Variants in CTNNA2 observed in about 807,000 individuals in gnomAD.
The protein encoded by CTNNA2 is catenin alpha-2.
A neutral mutation model predicts 101.0 loss-of-function variants in CTNNA2; 42 were observed. That is an observed-to-expected ratio of 0.42 (90% confidence interval 0.32 to 0.54). The LOEUF (loss-of-function observed/expected upper bound fraction) is 0.54. Among genes scored for constraint, CTNNA2 ranks in the 20% least tolerant of loss-of-function variants. The pLI is 0.14. For synonymous variants in CTNNA2, 450 were observed against 456.4 expected, an observed-to-expected ratio of 0.99 and a Z score of 0.18; for missense variants, 871 against 1,223.1, an observed-to-expected ratio of 0.71 and a Z score of 4.29.
At chr2:79,688,061 C>G (rs1446751275) in intron 2 of CTNNA2, among the ~76,000 whole-genome samples, 1 of 152,028 alleles carries the variant, frequency 6.6e-6, no homozygotes, top group Admixed American at 6.6e-5. Flanking sequence ...AAAATTTCAG[C>G]CAAAATTCAT....
chr2:80,178,136 C>T (rs1181405996), intron 7 of CTNNA2, among the ~76,000 whole-genome samples: 2 of 152,164 alleles, frequency 1.3e-5, no homozygotes, highest in Non-Finnish European at 2.9e-5. Context: ...GACAAGGTGG[C>T]AGGAGTGGGG....
chr2:79,319,453 C>CAGGCTAAAGCCACATTT (rs1676567630), intron 3 of CTNNA2, among the ~76,000 whole-genome samples: 1 of 152,004 alleles, frequency 6.6e-6, no homozygotes, highest in Non-Finnish European at 1.5e-5. Flanking sequence ...TTCTGAAGAC[C>CAGGCTAAAGCCACATTT]TTAGGACTCA....
At chr2:79,684,647 C>G (rs1006590095) in intron 2 of CTNNA2, among the ~76,000 whole-genome samples, 12 of 152,134 alleles carry the variant, frequency 7.9e-5, no homozygotes, top group African/African-American at 2.9e-4. Flanking sequence ...TATTTGAAAA[C>G]CAAACCCAAA....
intron 18 of CTNNA2, among the ~76,000 whole-genome samples, chr2:80,635,294 A>C (rs1672762313): frequency 1.3e-5 from 2 of 152,310 alleles, no homozygotes; most frequent in South Asian, 4.1e-4. Context: ...CAACTCAAAA[A>C]ATATTTTAAA....
chr2:80,115,284 C>A (rs1701447212), intron 7 of CTNNA2, among the ~76,000 whole-genome samples: 2 of 152,292 alleles, frequency 1.3e-5, no homozygotes, highest in South Asian at 2.1e-4. Flanking sequence ...AAATGAGTAC[C>A]TGCATTTGCA....
At chr2:80,314,950 C>T (rs1339658484) in intron 7 of CTNNA2, among the ~76,000 whole-genome samples, 1 of 152,302 alleles carries the variant, frequency 6.6e-6, no homozygotes, top group East Asian at 1.9e-4. Flanking sequence ...AGCCTGAAAA[C>T]TGTTCTGCCA....
intron 7 of CTNNA2, among the ~76,000 whole-genome samples, chr2:80,184,924 A>C (rs116411331): frequency 6.6e-6 from 1 of 152,202 alleles, no homozygotes; most frequent in East Asian, 1.9e-4. Flanking sequence ...CTATCAGCAC[A>C]TCCTAAAGTC....
chr2:79,374,559 C>T (rs1677943940), intron 4 of CTNNA2, among the ~76,000 whole-genome samples: 1 of 151,886 alleles, frequency 6.6e-6, no homozygotes, highest in African/African-American at 2.4e-5. Flanking sequence ...ATTTAGTCAA[C>T]ATTCTCTATT....
chr2:79,479,990 T>G (rs1424541996), intron 4 of CTNNA2, among the ~76,000 whole-genome samples: 1 of 151,718 alleles, frequency 6.6e-6, no homozygotes, highest in Non-Finnish European at 1.5e-5. Flanking sequence ...TGGCTCATGG[T>G]TTTGGAGGCA....
At chr2:79,310,039 T>C (rs890364871) in intron 2 of CTNNA2, among the ~76,000 whole-genome samples, 1 of 152,196 alleles carries the variant, frequency 6.6e-6, no homozygotes, top group Admixed American at 6.5e-5. Flanking sequence ...AAAGATACTA[T>C]TGATTTATTT....
At chr2:80,498,415 A>G (rs1426237587) in intron 9 of CTNNA2, among the ~76,000 whole-genome samples, 3 of 152,212 alleles carry the variant, frequency 2.0e-5, no homozygotes, top group Non-Finnish European at 2.9e-5. Context: ...CTTAAGGCCA[A>G]TTGCAATCTC....
Position 80,569,633 on chromosome 2 carries a change from GTTTTTTTTTTTTTTTT to G in CTNNA2, c.1742-4518_1742-4503del, listed in dbSNP as rs70940088. Among the ~76,000 whole-genome samples the G allele has an allele frequency of 7.7e-5, 4 of 51,718 alleles. No homozygotes were observed. In the Admixed American group the frequency reaches 8.7e-4, roughly 11 times the overall value. 33.9% of individuals were successfully genotyped at this position (51,718 alleles called of 152,430 possible). ...TCAGTATTACTTTTGGGGTATTTAG[GTTTTTTTTTTTTTTTT>G]TTTTTTTTTTTGAGATGGAGTCTTG... On this transcript the variant is annotated intron_variant, in intron 12 of 18. Coordinates refer to ENST00000402739, the MANE Select transcript of CTNNA2 (RefSeq NM_001282597.3).
chr2:80,269,013 G>T (rs1423669152), intron 7 of CTNNA2, among the ~76,000 whole-genome samples: 1 of 152,206 alleles, frequency 6.6e-6, no homozygotes, highest in Non-Finnish European at 1.5e-5. Flanking sequence ...AGTAGTCAAA[G>T]AAATAGCTGT....
At chr2:79,458,411 T>C (rs1452463607) in intron 4 of CTNNA2, among the ~76,000 whole-genome samples, 5 of 152,294 alleles carry the variant, frequency 3.3e-5, no homozygotes, top group Admixed American at 3.3e-4. Context: ...AGCATGAATG[T>C]CTTGTGCTCT....
At chr2:79,552,602 C>T (rs2104065639) in intron 1 of CTNNA2, among the ~76,000 whole-genome samples, 1 of 152,300 alleles carries the variant, frequency 6.6e-6, no homozygotes, top group Admixed American at 6.5e-5. Flanking sequence ...TCTGCCTGGA[C>T]ATCCGGGCAT....
chr2:80,622,841 G>C (rs1477425966), intron 18 of CTNNA2, among the ~76,000 whole-genome samples: 1 of 150,158 alleles, frequency 6.7e-6, no homozygotes, highest in Non-Finnish European at 1.5e-5. Context: ...CCCTTTACCA[G>C]ATTATAAGAA....
intron 1 of CTNNA2, among the ~76,000 whole-genome samples, chr2:79,597,626 A>T (rs1677286690): frequency 6.6e-6 from 1 of 152,072 alleles, no homozygotes; most frequent in African/African-American, 2.4e-5. Context: ...TAAATTTACA[A>T]ACTTTATTTT....
chr2:79,881,464 C>A (rs1011404177), intron 6 of CTNNA2, among the ~76,000 whole-genome samples: 2 of 152,060 alleles, frequency 1.3e-5, no homozygotes, highest in South Asian at 2.1e-4. Context: ...CTTTGTAGGT[C>A]TCTAAGAACT....
intron 7 of CTNNA2, among the ~76,000 whole-genome samples, chr2:80,215,163 C>T (rs1400907130): frequency 1.3e-5 from 2 of 152,046 alleles, no homozygotes; most frequent in Admixed American, 6.6e-5. Context: ...TTTGTCTAGT[C>T]TTTTTTTCAA....
Sources: allele counts gnomAD v4.1 joint callset (sites outside exome capture counted in the v4.1 genomes callset), GRCh38; gene constraint gnomAD v4.1.1; transcripts MANE v1.5; gene names NCBI Gene and HGNC (gene_info 2026-07-23, HGNC 2026-07-21).